The following LINGO2 variants were observed in gnomAD, a reference collection of about 807,000 sequenced individuals.
The protein encoded by LINGO2 is leucine-rich repeat and immunoglobulin-like domain-containing nogo receptor-interacting protein 2.
LINGO2 carries 14 observed loss-of-function variants against 30.6 expected under a neutral mutation model. The observed-to-expected ratio is 0.46, with a 90% confidence interval of 0.30 to 0.72. The LOEUF is 0.72. Ranked by LOEUF, LINGO2 falls within the 30% of genes least tolerant of loss-of-function variation. The pLI is 0.07. For synonymous variants in LINGO2, 317 were observed against 288.5 expected (o/e 1.10, Z -1.00); for missense variants, 729 against 751.7 (o/e 0.97, Z 0.35).
intron 5 of LINGO2, among the ~76,000 whole-genome samples, chr9:28,003,574 G>C (rs547421175): frequency 6.6e-6 from 1 of 152,238 alleles, no homozygotes; most frequent in Non-Finnish European, 1.5e-5. Context: ...TTCTTCTCCT[G>C]CCTCAGCCTC....
chr9:28,863,639 ATTAC>A, the LINGO2 span: 9 of 532,600 alleles, frequency 1.7e-5, no homozygotes, highest in Admixed American at 9.7e-5. Flanking sequence ...AGCACTATGA[ATTAC>A]TTTGTAAACC....
intron 4 of LINGO2, among the ~76,000 whole-genome samples, chr9:28,033,191 C>G (rs1341826902): frequency 6.6e-6 from 1 of 152,176 alleles, no homozygotes; most frequent in Non-Finnish European, 1.5e-5. Flanking sequence ...TGGGCTTGCA[C>G]AGTGTGTTAC....
chr9:29,063,931 C>T, the LINGO2 span, among the ~76,000 whole-genome samples: 69 of 152,180 alleles, frequency 4.5e-4, no homozygotes, highest in Non-Finnish European at 7.6e-4. Context: ...AAGTTTAACA[C>T]CTGGCACAAT....
the LINGO2 span, among the ~76,000 whole-genome samples, chr9:29,133,715 A>G: frequency 3.9e-5 from 6 of 152,172 alleles, no homozygotes; most frequent in Non-Finnish European, 8.8e-5. Flanking sequence ...ATTAACTTCT[A>G]CTTGCTAAAG....
At chr9:29,177,168 T>C in the LINGO2 span, among the ~76,000 whole-genome samples, 3 of 152,176 alleles carry the variant, frequency 2.0e-5, no homozygotes, top group Non-Finnish European at 2.9e-5. Flanking sequence ...AAAAATGTGA[T>C]GTAGTAAGTG....
At chr9:28,032,205 TA>T (rs142688271) in intron 4 of LINGO2, among the ~76,000 whole-genome samples, 26 of 141,884 alleles carry the variant, frequency 1.8e-4, no homozygotes, top group East Asian at 7.1e-4. Flanking sequence ...ATTCAAGTCT[TA>T]AAAAAAAAAT....
At chr9:28,290,346 C>T (rs1386065252) in intron 4 of LINGO2, among the ~76,000 whole-genome samples, 7 of 152,184 alleles carry the variant, frequency 4.6e-5, no homozygotes, top group Non-Finnish European at 8.8e-5. Flanking sequence ...TACCAACTTA[C>T]GCCTCACCAT....
At chr9:28,028,085 G>A (rs1823471744) in intron 4 of LINGO2, among the ~76,000 whole-genome samples, 1 of 152,106 alleles carries the variant, frequency 6.6e-6, no homozygotes, top group African/African-American at 2.4e-5. Context: ...AGAAAATAGT[G>A]TTTGTCTTTT....
At chr9:28,094,990 C>T (rs1826203759) in intron 4 of LINGO2, among the ~76,000 whole-genome samples, 1 of 152,068 alleles carries the variant, frequency 6.6e-6, no homozygotes, top group Admixed American at 6.6e-5. Flanking sequence ...GCCTCAAAAC[C>T]TGTAATATAA....
the LINGO2 span, among the ~76,000 whole-genome samples, chr9:28,915,682 C>T: frequency 6.6e-6 from 1 of 152,132 alleles, no homozygotes; most frequent in Admixed American, 6.6e-5. Context: ...TTAGGAGATA[C>T]TTTATCAGTG....
At chr9:27,963,270 G>A (rs1407298860) in intron 5 of LINGO2, among the ~76,000 whole-genome samples, 1 of 152,132 alleles carries the variant, frequency 6.6e-6, no homozygotes, top group Non-Finnish European at 1.5e-5. Context: ...GGTTTCGTTT[G>A]TTGAATCAGT....
intron 5 of LINGO2, among the ~76,000 whole-genome samples, chr9:27,967,899 T>C (rs1223711943): frequency 2.6e-5 from 4 of 152,188 alleles, no homozygotes; most frequent in Admixed American, 2.6e-4. Context: ...AAAACAATTA[T>C]ATATCAGTCA....
intron 4 of LINGO2, among the ~76,000 whole-genome samples, chr9:28,184,293 A>T (rs1272113368): frequency 6.6e-6 from 1 of 152,176 alleles, no homozygotes; most frequent in African/African-American, 2.4e-5. Flanking sequence ...GTTTCTTTTG[A>T]AAATAAAGAA....
intron 5 of LINGO2, among the ~76,000 whole-genome samples, chr9:28,001,607 T>G (rs1044686319): frequency 2.6e-5 from 4 of 152,154 alleles, no homozygotes; most frequent in Non-Finnish European, 5.9e-5. Flanking sequence ...TCCTATATTG[T>G]TGCAAGTCTT....
chr9:27,968,102 T>G (rs533899711), intron 5 of LINGO2, among the ~76,000 whole-genome samples: 1 of 152,224 alleles, frequency 6.6e-6, no homozygotes, highest in African/African-American at 2.4e-5. Context: ...AAACACCTTC[T>G]GGCTACCTTT....
At chr9:28,098,569 T>C (rs1392263638) in intron 4 of LINGO2, among the ~76,000 whole-genome samples, 1 of 152,168 alleles carries the variant, frequency 6.6e-6, no homozygotes, top group African/African-American at 2.4e-5. Flanking sequence ...GGCATGGATC[T>C]TTCTTTTTTC....
intron 3 of LINGO2, among the ~76,000 whole-genome samples, chr9:28,336,641 T>G (rs1825599416): frequency 6.6e-6 from 1 of 152,170 alleles, no homozygotes; most frequent in African/African-American, 2.4e-5. Flanking sequence ...GTTCAATGGT[T>G]CTAGTACTGT....
chr9:28,907,876 T>G, the LINGO2 span, among the ~76,000 whole-genome samples: 1 of 151,274 alleles, frequency 6.6e-6, no homozygotes, highest in East Asian at 1.9e-4. Flanking sequence ...TAAATTAAAG[T>G]GGCCTTACAT....
At chr9:28,556,683 C>T (rs1468790253) in intron 1 of LINGO2, among the ~76,000 whole-genome samples, 3 of 151,870 alleles carry the variant, frequency 2.0e-5, no homozygotes, top group Non-Finnish European at 4.4e-5. Context: ...GAGCCCGCAT[C>T]TCCAAGTCAA....
Sources: allele counts gnomAD v4.1 joint callset (sites outside exome capture counted in the v4.1 genomes callset), GRCh38; gene constraint gnomAD v4.1.1; transcripts MANE v1.5; gene names NCBI Gene and HGNC (gene_info 2026-07-23, HGNC 2026-07-21).